TSHR: variants seen among roughly 807,000 people sequenced by gnomAD.
TSHR encodes the protein thyrotropin receptor.
Under a neutral mutation model 64.1 loss-of-function variants are expected in TSHR, and 51 were observed. The ratio of observed to expected loss-of-function variants is 0.80; its 90% CI spans 0.64 to 1.01. The LOEUF (loss-of-function observed/expected upper bound fraction) is 1.01, where lower values mean the gene tolerates loss of function less well. Ranked by LOEUF, TSHR falls within the 50% of genes least tolerant of loss-of-function variation. The pLI is 0.00. For missense variants in TSHR, 877 were observed against 942.8 expected (o/e 0.93, Z 0.91); for synonymous variants, 361 against 361.9 (o/e 1.00, Z 0.03).
intron 3 of TSHR, among the ~76,000 whole-genome samples, chr14:81,078,533 G>A (rs560138010): frequency 1.8e-4 from 28 of 152,244 alleles, no homozygotes; most frequent in African/African-American, 6.0e-4. Context: ...GCCGAACTTC[G>A]TGGATTTATG....
At position 80,955,664 on chromosome 14, in the gene TSHR, C is replaced by T; in HGVS notation, c.-17C>T. 1.2e-6 allele frequency: 2 copies of T among 1,613,572 alleles called. No homozygotes were observed. The highest frequency in any genetic ancestry group is 4.5e-5 in the East Asian group (2 of 44,866). On this transcript the variant is annotated 5_prime_UTR_variant, in exon 1 of 10. Transcript: ENST00000298171. ...CGATTTCGGAGGATGGAGAAATAGC[C>T]CCGAGTCCCGTGGAAAATGAGGCCG...
intron 2 of TSHR, among the ~76,000 whole-genome samples, chr14:81,066,105 C>A (rs923688125): frequency 1.3e-5 from 2 of 152,060 alleles, no homozygotes; most frequent in East Asian, 1.9e-4. Context: ...TCTTCACAAC[C>A]AAGCAATCAC....
intron 1 of TSHR, among the ~76,000 whole-genome samples, chr14:81,032,186 A>G (rs1381992630): frequency 6.6e-6 from 1 of 152,188 alleles, no homozygotes; most frequent in Non-Finnish European, 1.5e-5. Context: ...CTTCCACTTG[A>G]GCAGCCTGAG....
chr14:80,978,547 G>A (rs1041802842), intron 1 of TSHR, among the ~76,000 whole-genome samples: 1 of 152,228 alleles, frequency 6.6e-6, no homozygotes, highest in African/African-American at 2.4e-5. Context: ...CTGCCTGTTA[G>A]AGGGACCCAC....
chr14:80,975,196 G>T (rs1887804297), intron 1 of TSHR, among the ~76,000 whole-genome samples: 1 of 152,180 alleles, frequency 6.6e-6, no homozygotes, highest in South Asian at 2.1e-4. Flanking sequence ...GTTATTGTTT[G>T]TCACATATTT....
At chr14:80,995,102 C>CA (rs1328290238) in intron 1 of TSHR, 2 of 151,796 alleles carry the variant, frequency 1.3e-5, no homozygotes, top group East Asian at 3.9e-4. Flanking sequence ...TACATGTGGC[C>CA]AAAAATCACA....
intron 1 of TSHR, among the ~76,000 whole-genome samples, chr14:80,981,465 C>T (rs968393784): frequency 6.6e-6 from 1 of 152,130 alleles, no homozygotes; most frequent in South Asian, 2.1e-4. Flanking sequence ...GGATGGGAGG[C>T]TGATGACCTG....
intron 1 of TSHR, among the ~76,000 whole-genome samples, chr14:81,033,865 C>T (rs1025946925): frequency 1.3e-5 from 2 of 152,100 alleles, no homozygotes; most frequent in African/African-American, 4.8e-5. Flanking sequence ...CTAGGGTAGA[C>T]AAAGGAAGGA....
At chr14:81,033,242 T>A (rs775189948) in intron 1 of TSHR, 204 of 476,716 alleles carry the variant, frequency 4.3e-4, no homozygotes, top group Non-Finnish European at 7.3e-4. Context: ...GGCCAGAGCA[T>A]CCACTACTTG....
chr14:81,047,392 G>T (rs889268900), intron 1 of TSHR, among the ~76,000 whole-genome samples: 1 of 152,078 alleles, frequency 6.6e-6, no homozygotes, highest in African/African-American at 2.4e-5. Context: ...AGAATATATA[G>T]GTGATAAACA....
At chr14:81,050,691 TA>T (rs1885387153) in intron 1 of TSHR, 1 of 152,200 alleles carries the variant, frequency 6.6e-6, no homozygotes, top group South Asian at 2.1e-4. Flanking sequence ...TGTTAAAAAC[TA>T]TTTTTAATTG....
At chr14:81,008,452 G>A (rs76759837) in intron 1 of TSHR, among the ~76,000 whole-genome samples, 17,502 of 152,146 alleles carry the variant, frequency 0.12, 1,358 homozygotes, top group East Asian at 0.39. Context: ...GATTACAGGC[G>A]TGAGCCACTG....
chr14:80,995,941 T>G (rs1888993596), intron 1 of TSHR, among the ~76,000 whole-genome samples: 1 of 152,154 alleles, frequency 6.6e-6, no homozygotes, highest in Admixed American at 6.5e-5. Context: ...AAAAGTTATG[T>G]GCAAATTTTT....
At chr14:81,016,475 G>A (rs942858803) in intron 1 of TSHR, among the ~76,000 whole-genome samples, 11 of 150,558 alleles carry the variant, frequency 7.3e-5, no homozygotes, top group Admixed American at 2.0e-4. Context: ...TGGGTTATTT[G>A]TTTTCTTGCT....
chr14:81,119,789 G>A (rs12895306), intron 8 of TSHR, among the ~76,000 whole-genome samples: 93,032 of 93,038 alleles, frequency 1, 46,513 homozygotes, highest in Middle Eastern at 1. Context: ...CAAATGTCCA[G>A]CAAGGATAGA....
intron 1 of TSHR, among the ~76,000 whole-genome samples, chr14:80,997,875 A>G (rs752412323): frequency 6.6e-6 from 1 of 152,208 alleles, no homozygotes; most frequent in South Asian, 2.1e-4. Context: ...ATCGGAAGAT[A>G]CTTAAGAGAT....
intron 1 of TSHR, among the ~76,000 whole-genome samples, chr14:80,965,135 C>T (rs1423106927): frequency 1.3e-5 from 2 of 152,154 alleles, no homozygotes; most frequent in Non-Finnish European, 2.9e-5. Context: ...AACGATTGGT[C>T]GGCTGCTTAA....
chr14:81,047,434 T>C (rs1455742960), intron 1 of TSHR, among the ~76,000 whole-genome samples: 4 of 152,214 alleles, frequency 2.6e-5, no homozygotes, highest in African/African-American at 9.6e-5. Context: ...CCTAGCCCAT[T>C]GCTCTGACTG....
intron 3 of TSHR, chr14:81,078,762 T>G (rs1421792256): frequency 6.6e-6 from 1 of 152,428 alleles, no homozygotes; most frequent in East Asian, 1.9e-4. Context: ...AAAGCCTAGC[T>G]GAGCCTAACC....
Sources: allele counts gnomAD v4.1 joint callset (sites outside exome capture counted in the v4.1 genomes callset), GRCh38; gene constraint gnomAD v4.1.1; transcripts MANE v1.5; gene names NCBI Gene and HGNC (gene_info 2026-07-23, HGNC 2026-07-21).